Variants in IL7 observed in about 807,000 individuals in gnomAD.
The protein encoded by IL7 is interleukin-7.
Under a neutral mutation model 21.6 loss-of-function variants are expected in IL7, and 3 were observed. The ratio of observed to expected loss-of-function variants is 0.14; its 90% CI spans 0.06 to 0.36. The LOEUF is 0.36. Ranked by LOEUF, IL7 falls within the 10% of genes least tolerant of loss-of-function variation. IL7 has a pLI of 1.00. For missense variants in IL7, 175 were observed against 200.2 expected (o/e 0.87, Z 0.76); for synonymous variants, 62 against 68.1 (o/e 0.91, Z 0.44).
At chr8:78,690,515 A>C (rs1810175251) in intron 3 of IL7, among the ~76,000 whole-genome samples, 1 of 151,670 alleles carries the variant, frequency 6.6e-6, no homozygotes, top group Non-Finnish European at 1.5e-5. Context: ...AGCCTAGATC[A>C]TGCCACTGCA....
At chr8:78,743,685 G>A (rs1024030889) in intron 2 of IL7, among the ~76,000 whole-genome samples, 1 of 152,238 alleles carries the variant, frequency 6.6e-6, no homozygotes, top group African/African-American at 2.4e-5. Flanking sequence ...AATGAGGTCA[G>A]CTGGAGGAAA....
At chr8:78,789,367 A>G (rs577039070) in intron 2 of IL7, among the ~76,000 whole-genome samples, 1 of 152,196 alleles carries the variant, frequency 6.6e-6, no homozygotes, top group Non-Finnish European at 1.5e-5. Flanking sequence ...ACTAATTTTT[A>G]TTGTAATCAA....
intron 2 of IL7, among the ~76,000 whole-genome samples, chr8:78,790,745 T>G (rs951514293): frequency 6.6e-6 from 1 of 151,848 alleles, no homozygotes; most frequent in African/African-American, 2.4e-5. Context: ...AGGAATAAAT[T>G]TAACAAAAGA....
intron 2 of IL7, among the ~76,000 whole-genome samples, chr8:78,755,951 T>C (rs1193912873): frequency 2.6e-5 from 4 of 152,056 alleles, no homozygotes; most frequent in African/African-American, 9.7e-5. Flanking sequence ...TTCTGTAAGA[T>C]GATAGCTGTG....
chr8:78,686,341 A>T, intron 3 of IL7: 1 of 783,390 alleles, frequency 1.3e-6, no homozygotes, highest in South Asian at 6.2e-5. Context: ...TTTGAGAAGG[A>T]TATCATTTAA....
At chr8:78,777,478 G>T (rs972551370) in intron 2 of IL7, among the ~76,000 whole-genome samples, 3 of 151,978 alleles carry the variant, frequency 2.0e-5, no homozygotes, top group African/African-American at 7.2e-5. Context: ...CTCTCCAGGT[G>T]CTGGGGGCCA....
intron 3 of IL7, among the ~76,000 whole-genome samples, chr8:78,693,194 G>A (rs1378445369): frequency 5.9e-5 from 9 of 152,246 alleles, no homozygotes; most frequent in African/African-American, 1.4e-4. Context: ...ATAAACATAC[G>A]TGTTTATGTG....
chr8:78,784,192 G>A (rs1813434888), intron 2 of IL7, among the ~76,000 whole-genome samples: 1 of 152,094 alleles, frequency 6.6e-6, no homozygotes, highest in South Asian at 2.1e-4. Context: ...AATGAATGGT[G>A]GTAGTGCCTT....
intron 2 of IL7, among the ~76,000 whole-genome samples, chr8:78,742,094 G>A (rs145392869): frequency 4.0e-4 from 61 of 151,396 alleles, no homozygotes; most frequent in Middle Eastern, 3.5e-3. Flanking sequence ...TGGGTAGATC[G>A]TGAGGTCAGT....
At chr8:78,736,572 G>A (rs769404662) in intron 4 of IL7, 45 bp from the exon 5 acceptor site, 2 of 1,248,962 alleles carry the variant, frequency 1.6e-6, no homozygotes, top group Non-Finnish European at 1.2e-6. Context: ...TTTCTTCATT[G>A]CTCCTCCAGT....
intron 2 of IL7, among the ~76,000 whole-genome samples, chr8:78,769,946 A>G (rs999924680): frequency 5.3e-5 from 8 of 152,220 alleles, no homozygotes; most frequent in Non-Finnish European, 7.3e-5. Flanking sequence ...AGGATTCCCT[A>G]TTTAATAAAT....
intron 2 of IL7, among the ~76,000 whole-genome samples, chr8:78,759,139 T>C (rs1812456460): frequency 6.6e-6 from 1 of 151,032 alleles, no homozygotes; most frequent in South Asian, 2.1e-4. Flanking sequence ...ATTTAGTCTA[T>C]TGTTGAACTC....
At chr8:78,676,159 A>G in intron 4 of IL7, 1 of 210,614 alleles carries the variant, frequency 4.7e-6, no homozygotes. Flanking sequence ...TACCTTAGAA[A>G]TAAGTAATTA....
chr8:78,776,621 T>C (rs1443287087), intron 2 of IL7, among the ~76,000 whole-genome samples: 2 of 152,106 alleles, frequency 1.3e-5, no homozygotes, highest in Non-Finnish European at 2.9e-5. Context: ...TTAGAGAGCA[T>C]TGTTGCAGAC....
At chr8:78,684,807 T>C (rs535957853) in intron 4 of IL7, among the ~76,000 whole-genome samples, 57 of 152,214 alleles carry the variant, frequency 3.7e-4, no homozygotes, top group African/African-American at 1.3e-3. Context: ...ATAATAAAGA[T>C]ACAAGACTTC....
At chr8:78,706,571 T>C (rs916570017) in intron 3 of IL7, among the ~76,000 whole-genome samples, 4 of 152,146 alleles carry the variant, frequency 2.6e-5, no homozygotes, top group African/African-American at 7.2e-5. Context: ...CACCTTGCTC[T>C]GTGTCGCTCC....
chr8:78,689,541 T>C (rs1251590699), intron 3 of IL7, among the ~76,000 whole-genome samples: 2 of 152,076 alleles, frequency 1.3e-5, no homozygotes, highest in African/African-American at 4.8e-5. Context: ...CTTATATCTG[T>C]AAATCATTTC....
chr8:78,684,710 G>C (rs896200970), intron 4 of IL7, among the ~76,000 whole-genome samples: 1 of 152,074 alleles, frequency 6.6e-6, no homozygotes, highest in Non-Finnish European at 1.5e-5. Flanking sequence ...CATATACTCA[G>C]CAAACAGGCT....
intron 2 of IL7, among the ~76,000 whole-genome samples, chr8:78,789,688 G>T (rs193028143): frequency 6.6e-6 from 1 of 152,066 alleles, no homozygotes; most frequent in African/African-American, 2.4e-5. Flanking sequence ...AAGTGGTCCC[G>T]GTGAGATCTG....
Sources: allele counts gnomAD v4.1 joint callset (sites outside exome capture counted in the v4.1 genomes callset), GRCh38; gene constraint gnomAD v4.1.1; transcripts MANE v1.5; gene names NCBI Gene and HGNC (gene_info 2026-07-23, HGNC 2026-07-21).